Variants in PIAS1 observed in about 807,000 individuals in gnomAD.
The protein encoded by PIAS1 is protein inhibitor of activated STAT 1, also known as E3 SUMO-protein ligase PIAS1.
Under a neutral mutation model 71.3 loss-of-function variants are expected in PIAS1, and 6 were observed. The ratio of observed to expected loss-of-function variants is 0.08; its 90% confidence interval spans 0.05 to 0.17. The LOEUF is 0.17. PIAS1 is among the 10% of genes least tolerant of loss of function. PIAS1 has a pLI of 1.00. For synonymous variants in PIAS1, 303 were observed against 292.9 expected (o/e 1.03, Z -0.35); for missense variants, 555 against 793.6 (o/e 0.70, Z 3.61).
intron 1 of PIAS1, among the ~76,000 whole-genome samples, chr15:68,055,492 G>T (rs1273991100): frequency 6.6e-6 from 1 of 152,036 alleles, no homozygotes; most frequent in Non-Finnish European, 1.5e-5. Context: ...CAAGCAGTTG[G>T]GGGAGGGGGT....
chr15:68,086,521 A>G lies in PIAS1; in HGVS notation c.240A>G (p.Val80=), dbSNP rs370863415. The G allele has an allele frequency of 6.2e-7, 1 of 1,613,888 alleles. No homozygotes were observed. The highest frequency in any genetic ancestry group is 1.6e-4 in the Middle Eastern group (1 of 6,062). ...CTGCAGACTTGTCCATCCCCAACGT[A>G]CATTCAAGTCCTATGCCAGCAACTT... is the stretch of plus-strand genomic sequence containing the variant. ...MTPADLSIPN[V]HSSPMPATLS... The change falls in exon 2 of 14, where the codon GTA becomes GTG. Residue 80 remains valine (V), a synonymous_variant. Transcript: ENST00000249636. The surrounding 1 kb of genome is among the most constrained non-coding windows in gnomAD (Gnocchi z 7.2).
intron 7 of PIAS1, among the ~76,000 whole-genome samples, chr15:68,160,781 A>G (rs372557340): frequency 6.6e-6 from 1 of 152,214 alleles, no homozygotes; most frequent in Non-Finnish European, 1.5e-5. Context: ...ACTGTCAGCA[A>G]AATCGAGAAG....
At chr15:68,165,914 A>G (rs1388333696) in intron 8 of PIAS1, among the ~76,000 whole-genome samples, 3 of 152,174 alleles carry the variant, frequency 2.0e-5, no homozygotes, top group Non-Finnish European at 4.4e-5. Flanking sequence ...CAGGCCTGAT[A>G]TTGAAAGCTT....
chr15:68,146,738 T>A, intron 6 of PIAS1, 38 bp downstream of exon 6: 1 of 1,516,804 alleles, frequency 6.6e-7, no homozygotes, highest in Non-Finnish European at 9.1e-7. Flanking sequence ...TTTTGTATTA[T>A]AAGGAGGGGT....
chr15:68,135,119 G>T (rs1216904447), intron 2 of PIAS1, among the ~76,000 whole-genome samples: 1 of 48,578 alleles, frequency 2.1e-5, no homozygotes, highest in Non-Finnish European at 8.6e-5. Flanking sequence ...CTCCCTCCCG[G>T]ACGGGGCGGC....
intron 8 of PIAS1, among the ~76,000 whole-genome samples, chr15:68,172,448 T>C (rs2092997598): frequency 6.6e-6 from 1 of 152,174 alleles, no homozygotes; most frequent in Admixed American, 6.6e-5. Flanking sequence ...ATGGGATTGC[T>C]GGGTCAAATG....
At chr15:68,073,649 G>A (rs1040083204) in intron 1 of PIAS1, among the ~76,000 whole-genome samples, 8 of 152,140 alleles carry the variant, frequency 5.3e-5, no homozygotes, top group Non-Finnish European at 1.0e-4. Context: ...TAGGAGGGGG[G>A]AGAAGAGCTT....
chr15:68,115,156 C>T (rs534534345), intron 2 of PIAS1, among the ~76,000 whole-genome samples: 227 of 152,122 alleles, frequency 1.5e-3, no homozygotes, highest in Non-Finnish European at 2.9e-3. Flanking sequence ...TGGTTGCTTC[C>T]AGGTTTTGGC....
intron 4 of PIAS1, among the ~76,000 whole-genome samples, chr15:68,144,457 T>C (rs2092793999): frequency 6.6e-6 from 1 of 152,130 alleles, no homozygotes; most frequent in Admixed American, 6.6e-5. Flanking sequence ...TTTTCTTTTT[T>C]CTCTTCAGTT....
At chr15:68,068,893 CTTTTTTTTTTTTT>C (rs11298983) in intron 1 of PIAS1, among the ~76,000 whole-genome samples, 6 of 76,658 alleles carry the variant, frequency 7.8e-5, no homozygotes, top group Admixed American at 1.5e-4. Context: ...TGTTTTTGTC[CTTTTTTTTTTTTT>C]TTTTTTTGAG....
intron 2 of PIAS1, among the ~76,000 whole-genome samples, chr15:68,134,874 C>A (rs1439042330): frequency 2.1e-5 from 1 of 48,132 alleles, no homozygotes; most frequent in African/African-American, 4.3e-5. Context: ...CCGGACGGGG[C>A]GGCTGGCCGG....
chr15:68,134,484 C>G lies in PIAS1; in HGVS notation c.470-7462C>G, dbSNP rs868102158. Among the ~76,000 whole-genome samples the G allele has an allele frequency of 4.1e-5, 2 of 49,238 alleles. 1 individual carries two copies. The highest frequency in any genetic ancestry group is 3.3e-4 in the Admixed American group (2 of 6,082). The allele number at this position is 49,238 out of a possible 152,430, so 32.3% of individuals were successfully genotyped here. On this transcript the variant is annotated intron_variant, in intron 2 of 13. Transcript: ENST00000249636. Reference sequence around the variant, plus strand: ...CTCCCGGACGGGGCGGCTGGCCGGGCGGGGGGCTGACCCCCCCCACTGCCC... The same window carrying G: ...CTCCCGGACGGGGCGGCTGGCCGGGGGGGGGGCTGACCCCCCCCACTGCCC...
In PIAS1 at chr15:68,190,748, G is replaced by A. The variant is rs1226329189; in HGVS notation, c.*2913G>A. On this transcript the variant is annotated 3_prime_UTR_variant, in exon 14 of 14. Transcript: ENST00000249636. This position sits in a 1 kb window ranked among gnomAD's most constrained non-coding sequence, Gnocchi z 4.7. Reference sequence around the variant, plus strand: ...TTTTAATTACTTCGTGAGTGTTATTGGATACATCTTAAAAAAAAAAAATCT... The same window carrying A: ...TTTTAATTACTTCGTGAGTGTTATTAGATACATCTTAAAAAAAAAAAATCT... 1 of 151,270 alleles carries A rather than the reference G, an allele frequency of 6.6e-6. No homozygotes were observed. Among genetic ancestry groups the A allele is most frequent in the Non-Finnish European group, 1.5e-5 (1 of 67,908 alleles). The allele number at this position is 151,270 out of a possible 1,614,324, so 9.4% of individuals were successfully genotyped here.
chr15:68,157,936 A>G (rs572122921), intron 7 of PIAS1, among the ~76,000 whole-genome samples: 1 of 152,314 alleles, frequency 6.6e-6, no homozygotes, highest in African/African-American at 2.4e-5. Context: ...CCTTCTGTCT[A>G]TCATGCTATC....
intron 1 of PIAS1, among the ~76,000 whole-genome samples, chr15:68,075,992 G>A (rs1412509419): frequency 2.6e-5 from 4 of 151,944 alleles, no homozygotes; most frequent in Admixed American, 6.6e-5. Flanking sequence ...CATGTTGGCC[G>A]GTCTGGTCTT....
At chr15:68,073,782 T>C (rs2092127350) in intron 1 of PIAS1, among the ~76,000 whole-genome samples, 1 of 152,200 alleles carries the variant, frequency 6.6e-6, no homozygotes, top group Non-Finnish European at 1.5e-5. Flanking sequence ...TGGAAAAGTT[T>C]AAGCACAAGC....
chr15:68,170,049 G>A (rs554763187), intron 8 of PIAS1, among the ~76,000 whole-genome samples: 1 of 152,252 alleles, frequency 6.6e-6, no homozygotes, highest in Admixed American at 6.5e-5. Flanking sequence ...TCCTGGAATT[G>A]CCCATCATGC....
intron 7 of PIAS1, among the ~76,000 whole-genome samples, chr15:68,160,451 C>G (rs1454962048): frequency 6.6e-6 from 1 of 152,140 alleles, no homozygotes; most frequent in East Asian, 1.9e-4. Context: ...GGACGTTATT[C>G]TTTTCCATTG....
intron 2 of PIAS1, among the ~76,000 whole-genome samples, chr15:68,114,920 T>C (rs2092552780): frequency 6.6e-6 from 1 of 152,108 alleles, no homozygotes; most frequent in Non-Finnish European, 1.5e-5. Context: ...GCAGTTCTCT[T>C]CTTTCTTGGA....
Sources: gnomAD v4.1 joint callset for allele counts (sites outside exome capture counted in the v4.1 genomes callset) on GRCh38, gnomAD v4.1.1 for gene constraint, Gnocchi (gnomAD v3.1) non-coding constraint, MANE v1.5 for transcripts, NCBI Gene and HGNC (gene_info 2026-07-23, HGNC 2026-07-21) for gene names.